CSNK2A2IP: variants seen among roughly 807,000 people sequenced by gnomAD.
CSNK2A2IP encodes the protein casein kinase 2 subunit alpha' interacting protein, also known as casein kinase II subunit alpha'-interacting protein.
At chr3:88,426,891 G>GGA in the CSNK2A2IP span, among the ~76,000 whole-genome samples, 1 of 119,810 alleles carries the variant, frequency 8.3e-6, no homozygotes, top group African/African-American at 3.2e-5. Flanking sequence ...ACGGGGGATG[G>GGA]GGGGGGGCGG....
chr3:88,428,750 T>C, the CSNK2A2IP span, among the ~76,000 whole-genome samples: 2 of 152,272 alleles, frequency 1.3e-5, no homozygotes, highest in Admixed American at 6.5e-5. Flanking sequence ...GTATGTTCTT[T>C]GGCAAAGAAG....
the CSNK2A2IP span, among the ~76,000 whole-genome samples, chr3:88,408,867 A>T: frequency 6.6e-6 from 1 of 151,858 alleles, no homozygotes; most frequent in Non-Finnish European, 1.5e-5. Flanking sequence ...CATGATCCAA[A>T]CCAGTTTTAA....
the CSNK2A2IP span, among the ~76,000 whole-genome samples, chr3:88,362,631 C>T: frequency 6.6e-6 from 1 of 152,170 alleles, no homozygotes; most frequent in African/African-American, 2.4e-5. Context: ...CCTGGCTGCT[C>T]CTGATGTTTA....
At chr3:88,366,469 A>G in the CSNK2A2IP span, among the ~76,000 whole-genome samples, 3 of 152,174 alleles carry the variant, frequency 2.0e-5, no homozygotes, top group African/African-American at 7.2e-5. Context: ...TTTCATGTCA[A>G]CAAATACTTA....
chr3:88,401,097 G>C, the CSNK2A2IP span, among the ~76,000 whole-genome samples: 1 of 152,070 alleles, frequency 6.6e-6, no homozygotes, highest in Admixed American at 6.6e-5. Context: ...ATATGTTATT[G>C]AGCAGTATAT....
the CSNK2A2IP span, among the ~76,000 whole-genome samples, chr3:88,427,365 C>G: frequency 1.3e-5 from 2 of 152,168 alleles, no homozygotes; most frequent in African/African-American, 4.8e-5. Flanking sequence ...CCTGACAATG[C>G]AATAGGAAAG....
the CSNK2A2IP span, among the ~76,000 whole-genome samples, chr3:88,342,556 T>C: frequency 0.44 from 66,564 of 151,862 alleles, 15,849 homozygotes; most frequent in South Asian, 0.62. Flanking sequence ...GCCCGGTTGA[T>C]GGATCATTTA....
the CSNK2A2IP span, among the ~76,000 whole-genome samples, chr3:88,425,465 T>C: frequency 3.3e-5 from 5 of 152,180 alleles, no homozygotes; most frequent in African/African-American, 9.6e-5. Flanking sequence ...TTTTTAAATA[T>C]TTATATCTCT....
At chr3:88,433,404 G>C in the CSNK2A2IP span, among the ~76,000 whole-genome samples, 1 of 151,992 alleles carries the variant, frequency 6.6e-6, no homozygotes, top group African/African-American at 2.4e-5. Flanking sequence ...TTTAACCTGA[G>C]ATAGTTTTGA....
At chr3:88,357,744 T>C in the CSNK2A2IP span, among the ~76,000 whole-genome samples, 2 of 126,584 alleles carry the variant, frequency 1.6e-5, no homozygotes, top group Admixed American at 1.8e-4. Flanking sequence ...TGTGTCCTAT[T>C]CAATTTCTTT....
At chr3:88,436,582 G>A in the CSNK2A2IP span, among the ~76,000 whole-genome samples, 1 of 152,006 alleles carries the variant, frequency 6.6e-6, no homozygotes, top group Non-Finnish European at 1.5e-5. Context: ...ATACAAAAGT[G>A]TACAGACTTT....
chr3:88,431,069 A>C, the CSNK2A2IP span: 1 of 152,234 alleles, frequency 6.6e-6, no homozygotes, highest in Non-Finnish European at 1.5e-5. Context: ...ATTTGAGATA[A>C]ATGAACAATT....
the CSNK2A2IP span, among the ~76,000 whole-genome samples, chr3:88,378,566 CAATTAATTAA>C: frequency 3.3e-5 from 5 of 151,836 alleles, no homozygotes; most frequent in Non-Finnish European, 7.4e-5. Flanking sequence ...AATTTAATTT[CAATTAATTAA>C]AATTTAAATT....
the CSNK2A2IP span, among the ~76,000 whole-genome samples, chr3:88,410,843 TTAAAG>T: frequency 1.1e-4 from 17 of 152,020 alleles, no homozygotes; most frequent in African/African-American, 3.4e-4. Context: ...AAATTACTCT[TTAAAG>T]TAAAGACTTT....
chr3:88,415,738 T>C, the CSNK2A2IP span, among the ~76,000 whole-genome samples: 1 of 151,892 alleles, frequency 6.6e-6, no homozygotes, highest in Non-Finnish European at 1.5e-5. Flanking sequence ...CCATCTAACT[T>C]CAAGAACCAC....
chr3:88,457,294 TG>T, the CSNK2A2IP span, among the ~76,000 whole-genome samples: 2 of 152,206 alleles, frequency 1.3e-5, no homozygotes, highest in African/African-American at 2.4e-5. Flanking sequence ...TTTATGAATT[TG>T]GGGGAAGTGT....
At chr3:88,367,305 G>A in the CSNK2A2IP span, among the ~76,000 whole-genome samples, 13 of 152,156 alleles carry the variant, frequency 8.5e-5, no homozygotes, top group East Asian at 2.5e-3. Context: ...CATTCTCAGA[G>A]CAATCCTTAA....
At chr3:88,455,615 A>G in the CSNK2A2IP span, among the ~76,000 whole-genome samples, 2 of 152,022 alleles carry the variant, frequency 1.3e-5, no homozygotes, top group African/African-American at 4.8e-5. Flanking sequence ...TTTATCGGAT[A>G]TATGGTTTGC....
At chr3:88,394,610 G>T in the CSNK2A2IP span, among the ~76,000 whole-genome samples, 1 of 152,118 alleles carries the variant, frequency 6.6e-6, no homozygotes, top group Non-Finnish European at 1.5e-5. Flanking sequence ...TTGACCTTAG[G>T]TGATCCACCC....
Sources: gnomAD v4.1 joint callset for allele counts (sites outside exome capture counted in the v4.1 genomes callset) on GRCh38, gnomAD v4.1.1 for gene constraint, MANE v1.5 for transcripts, NCBI Gene and HGNC (gene_info 2026-07-23, HGNC 2026-07-21) for gene names.